Variants in PRIMPOL observed in about 807,000 individuals in gnomAD.
PRIMPOL encodes the protein DNA-directed primase/polymerase protein.
A neutral mutation model predicts 63.6 loss-of-function variants in PRIMPOL; 54 were observed. The observed-to-expected ratio is 0.85, with a 90% CI of 0.68 to 1.07. PRIMPOL has a LOEUF of 1.07. Among genes scored for constraint, PRIMPOL ranks in the 50% least tolerant of loss-of-function variants. PRIMPOL has a pLI of 0.00. For missense variants in PRIMPOL, 610 were observed against 648.3 expected, an observed-to-expected ratio of 0.94 and a Z score of 0.64; for synonymous variants, 197 against 220.2, an observed-to-expected ratio of 0.89 and a Z score of 0.93.
At chr4:184,667,457 T>C (rs771302313) in intron 6 of PRIMPOL, among the ~76,000 whole-genome samples, 71 of 152,094 alleles carry the variant, frequency 4.7e-4, no homozygotes, top group Non-Finnish European at 8.1e-4. Context: ...ACTACAGGCG[T>C]GTGCCACCAT....
At chr4:184,673,284 C>T (rs760874615) in intron 7 of PRIMPOL, among the ~76,000 whole-genome samples, 43 of 151,578 alleles carry the variant, frequency 2.8e-4, no homozygotes, top group Non-Finnish European at 5.4e-4. Context: ...CGCCCGCCAC[C>T]GCTCCCGGCT....
chr4:184,686,490 T>C (rs1434218958), intron 11 of PRIMPOL, among the ~76,000 whole-genome samples: 1 of 152,196 alleles, frequency 6.6e-6, no homozygotes, highest in African/African-American at 2.4e-5. Flanking sequence ...GCTTGCTATA[T>C]ATGCCAGGCC....
At chr4:184,682,187 G>T in intron 8 of PRIMPOL, 61 bp from the exon 9 acceptor site, 1 of 822,958 alleles carries the variant, frequency 1.2e-6, no homozygotes, top group Non-Finnish European at 2.1e-6. Flanking sequence ...CCTTTCTGTA[G>T]CCAGGCCTTG....
chr4:184,690,832 A>G (rs1205447852), intron 11 of PRIMPOL, among the ~76,000 whole-genome samples: 1 of 152,130 alleles, frequency 6.6e-6, no homozygotes, highest in African/African-American at 2.4e-5. Flanking sequence ...CTTCCAGTCC[A>G]CTCAGGTCTA....
intron 11 of PRIMPOL, among the ~76,000 whole-genome samples, chr4:184,686,652 A>G (rs903825451): frequency 7.9e-5 from 12 of 152,028 alleles, no homozygotes; most frequent in African/African-American, 2.7e-4. Context: ...GAGGTGAGAA[A>G]TTTTGCTGTT....
chr4:184,673,658 C>T (rs1229924534), intron 7 of PRIMPOL, among the ~76,000 whole-genome samples: 1 of 143,884 alleles, frequency 7.0e-6, no homozygotes, highest in African/African-American at 2.6e-5. Context: ...CTCCTGACCT[C>T]GTGATCCGCC....
chr4:184,663,017 C>CA (rs1748789569), intron 5 of PRIMPOL, among the ~76,000 whole-genome samples: 2 of 76,850 alleles, frequency 2.6e-5, no homozygotes, highest in African/African-American at 9.1e-5. Context: ...AATTTTAAAC[C>CA]TTTATTATTA....
rs1751964098 is a variant in PRIMPOL, at chr4:184,672,169, T to G, written c.557-4T>G. The G allele has an allele frequency of 1.2e-6, 2 of 1,605,238 alleles. No homozygotes were observed. The highest frequency in any genetic ancestry group is 1.7e-6 in the Non-Finnish European group (2 of 1,176,716). ...AGGTGAATGATAATAGCTTTTTTCC[T>G]TAGGTAATTTTTTGAGAAAAATTTT... On this transcript the variant is annotated splice_region_variant and splice_polypyrimidine_tract_variant and intron_variant, in intron 6 of 13. Transcript: ENST00000314970.
chr4:184,685,630 G>C lies in PRIMPOL; in HGVS notation c.1241G>C (p.Cys414Ser). ...GAAGAATTACTGGTTTATGATATTT[G>C]TAAATATCGGTGGTGTGAAAACATT... ...FPEELLVYDICKYRWCENIGR... is the reference protein window; with the variant it reads ...FPEELLVYDISKYRWCENIGR... The change falls in exon 11 of 14, where the codon TGT becomes TCT. Residue 414 changes from cysteine to serine, a missense_variant. By Grantham distance (112) the Cys-to-Ser change is moderately radical. This residue lies in a region of PRIMPOL where 444 missense variants were observed against 456.4 expected (regional missense o/e 0.97). Coordinates refer to ENST00000314970, the MANE Select transcript of PRIMPOL (RefSeq NM_152683.4). 2.5e-6 allele frequency: 4 copies of C among 1,611,472 alleles called. No individual in the cohort carries two copies. The highest frequency in any genetic ancestry group is 3.4e-6 in the Non-Finnish European group (4 of 1,177,898).
intron 4 of PRIMPOL, among the ~76,000 whole-genome samples, chr4:184,659,673 G>T (rs1025873342): frequency 6.6e-6 from 1 of 152,122 alleles, no homozygotes; most frequent in Non-Finnish European, 1.5e-5. Context: ...CTCAAAGGGA[G>T]TTTTGAAATT....
intron 9 of PRIMPOL, 22 bp from the exon 10 acceptor site, chr4:184,685,387 T>C (rs373182154): frequency 9.4e-5 from 143 of 1,522,832 alleles, no homozygotes; most frequent in Non-Finnish European, 1.2e-4. Context: ...TTGTAATTTA[T>C]AAACCATTCT....
intron 9 of PRIMPOL, among the ~76,000 whole-genome samples, chr4:184,684,223 C>T (rs1315948150): frequency 6.6e-6 from 1 of 151,930 alleles, no homozygotes; most frequent in Admixed American, 6.6e-5. Context: ...TTTGGGAGGC[C>T]AAGGCAGGCG....
intron 4 of PRIMPOL, among the ~76,000 whole-genome samples, chr4:184,660,600 A>G (rs10011005): frequency 0.043 from 6,504 of 152,286 alleles, 459 homozygotes; most frequent in African/African-American, 0.15. Flanking sequence ...CAAATATGAA[A>G]CTGGATTTAT....
intron 13 of PRIMPOL, 65 bp downstream of exon 13, chr4:184,691,777 C>T: frequency 8.1e-7 from 1 of 1,232,970 alleles, no homozygotes; most frequent in Non-Finnish European, 1.2e-6. Flanking sequence ...TATACCTGAG[C>T]CATGAGTAGT....
intron 13 of PRIMPOL, among the ~76,000 whole-genome samples, chr4:184,692,333 G>A (rs1452415065): frequency 5.3e-5 from 8 of 151,968 alleles, no homozygotes; most frequent in Admixed American, 4.6e-4. Flanking sequence ...AATTAGCCAG[G>A]TGTGGTGGCC....
At chr4:184,687,509 C>G (rs1757297274) in intron 11 of PRIMPOL, among the ~76,000 whole-genome samples, 1 of 152,224 alleles carries the variant, frequency 6.6e-6, no homozygotes, top group Non-Finnish European at 1.5e-5. Flanking sequence ...CTCCCTGGCC[C>G]TCAGAGATGG....
intron 13 of PRIMPOL, among the ~76,000 whole-genome samples, chr4:184,693,762 T>TGA (rs1759679329): frequency 3.3e-5 from 5 of 152,090 alleles, no homozygotes; most frequent in Admixed American, 2.6e-4. Flanking sequence ...CGCATTATTT[T>TGA]TGATGACTCT....
rs777463811 is a variant in PRIMPOL at position 184,678,265 on chromosome 4, A to G, written c.878A>G (p.Tyr293Cys). 1.3e-6 allele frequency: 2 copies of G among 1,598,712 alleles called. No homozygotes were observed. Among genetic ancestry groups the G allele is most frequent in the Non-Finnish European group, 1.7e-6 (2 of 1,174,712 alleles). Residue 293 changes from tyrosine (Y) to cysteine (C), a missense_variant, in exon 8 of 14, where the codon TAT (tyrosine) becomes TGT (cysteine). Coordinates refer to ENST00000314970, the MANE Select transcript of PRIMPOL (RefSeq NM_152683.4). ...ACAAGAAATAGAAACTTTCGGCTAT[A>G]TAAATCATCAAAAATTGGAAAGCGT... is the stretch of plus-strand genomic sequence containing the variant. ...VYTRNRNFRL[Y>C]KSSKIGKRVA...
At chr4:184,651,553 G>A (rs1451491477) in intron 1 of PRIMPOL, among the ~76,000 whole-genome samples, 1 of 152,178 alleles carries the variant, frequency 6.6e-6, no homozygotes, top group African/African-American at 2.4e-5. Context: ...CTATTGTGAT[G>A]CCCAAACCCC....
Sources: allele counts gnomAD v4.1 joint callset (sites outside exome capture counted in the v4.1 genomes callset), GRCh38; gene constraint gnomAD v4.1.1; regional missense constraint gnomAD v4.1.1; transcripts MANE v1.5; gene names NCBI Gene and HGNC (gene_info 2026-07-23, HGNC 2026-07-21).